Variants in GSE1 observed in about 807,000 individuals in gnomAD.
GSE1 encodes the protein genetic suppressor element 1.
Under a neutral mutation model 112.6 loss-of-function variants are expected in GSE1, and 32 were observed. That is an observed-to-expected ratio of 0.28 (90% CI 0.21 to 0.38). The LOEUF (loss-of-function observed/expected upper bound fraction) is 0.38, where lower values mean the gene tolerates loss of function less well. Ranked by LOEUF, GSE1 falls within the 10% of genes least tolerant of loss-of-function variation. The pLI, the probability that GSE1 is intolerant of heterozygous loss-of-function variation, is 1.00. For missense variants in GSE1, 2,348 were observed against 1,699.2 expected (o/e 1.38, Z -6.71); for synonymous variants, 1,115 against 735.6 (o/e 1.52, Z -8.35).
upstream of GSE1, among the ~76,000 whole-genome samples, chr16:85,610,207 C>T (rs999396365): frequency 1.3e-5 from 2 of 152,240 alleles, no homozygotes; most frequent in African/African-American, 4.8e-5. Flanking sequence ...TGGTAAGGAG[C>T]ACCGCGTGCA....
chr16:85,260,727 G>C (rs1907600786), intron 1 of GSE1, among the ~76,000 whole-genome samples: 1 of 152,224 alleles, frequency 6.6e-6, no homozygotes, highest in South Asian at 2.1e-4. Flanking sequence ...CCCTACTCCA[G>C]GGAGCTGCTG....
intron 2 of GSE1, 106 bp downstream of exon 2, chr16:85,634,238 C>A: frequency 1.3e-6 from 1 of 780,474 alleles, no homozygotes; most frequent in Non-Finnish European, 1.9e-6. Context: ...TCGTCTTTCC[C>A]ACGCCGTGTG....
intron 2 of GSE1, among the ~76,000 whole-genome samples, chr16:85,367,590 G>A (rs1424348613): frequency 6.6e-6 from 1 of 152,204 alleles, no homozygotes; most frequent in East Asian, 1.9e-4. Context: ...GCCTAAGGAG[G>A]TGGCATTTGG....
At chr16:85,434,694 T>C (rs1043941903) in intron 2 of GSE1, among the ~76,000 whole-genome samples, 1 of 152,214 alleles carries the variant, frequency 6.6e-6, no homozygotes, top group African/African-American at 2.4e-5. Flanking sequence ...GGCACGCATC[T>C]GTAATCCCAG....
intron 2 of GSE1, among the ~76,000 whole-genome samples, chr16:85,636,819 A>G (rs1243265380): frequency 6.6e-6 from 1 of 152,180 alleles, no homozygotes; most frequent in East Asian, 1.9e-4. Context: ...TTGGGCGCAC[A>G]AAAGGGTCTA....
Position 85,224,912 on chromosome 16 carries a change from G to A in GSE1, c.2283+53105G>A, listed in dbSNP as rs780742468. The stretch of plus-strand genomic sequence containing the variant: ...TGGGAGGCCGAGATGGGCAGATCAC[G>A]AGGTCAGGAGTTTGAGACCAGCCTG... On this transcript the variant is annotated intron_variant, in intron 1 of 2. Transcript: ENST00000637419. 5.9e-5 allele frequency among the ~76,000 whole-genome samples: 9 copies of A among 151,826 alleles called. No individual in the cohort carries two copies. In the East Asian group the frequency reaches 1.2e-3, roughly 20 times the overall value.
Position 85,648,659 on chromosome 16 carries a change from C to G in GSE1, c.334C>G (p.Pro112Ala), listed in dbSNP as rs149283578. Residue 112 changes from proline (P) to alanine (A), a missense_variant, in exon 3 of 16, where the codon CCT becomes GCT. By Grantham distance (27) the Pro-to-Ala change is conservative. Coordinates refer to ENST00000253458, the MANE Select transcript of GSE1 (RefSeq NM_014615.5). ...RVPMGPIIVPPGGHSVPSTPP... is the reference protein window; with the variant it reads ...RVPMGPIIVPAGGHSVPSTPP... ...GCCCATGGGCCCTATCATCGTCCCCCCTGGGGGCCACAGCGTGCCCAGCAC... is the reference window on the plus strand; with the variant it reads ...GCCCATGGGCCCTATCATCGTCCCCGCTGGGGGCCACAGCGTGCCCAGCAC... 6.2e-7 allele frequency: 1 copy of G among 1,602,954 alleles called. No individual in the cohort carries two copies. The highest frequency in any genetic ancestry group is 8.5e-7 in the Non-Finnish European group (1 of 1,172,182).
At chr16:85,490,849 G>C (rs1019571397) in intron 2 of GSE1, 40 of 152,232 alleles carry the variant, frequency 2.6e-4, no homozygotes, top group African/African-American at 7.0e-4. Context: ...CCATTTCCAG[G>C]CTCAGTAAAT....
At chr16:85,367,865 C>G (rs377512488) in intron 2 of GSE1, among the ~76,000 whole-genome samples, 5 of 24,306 alleles carry the variant, frequency 2.1e-4, no homozygotes, top group Admixed American at 6.5e-4. Context: ...TTTTTTTTTT[C>G]CGAGATGGAG....
rs138513015 is a variant in GSE1, at chr16:85,270,119, C to G, written c.2284-87344C>G. Among the ~76,000 whole-genome samples the G allele has an allele frequency of 9.4e-5, 14 of 149,224 alleles. 3 individuals carry two copies. The highest frequency in any genetic ancestry group is 2.0e-4 in the Non-Finnish European group (13 of 66,172). ...TGCTGTGGAGCCTAGCGTGGCTTCA[C>G]TCCTCTGGGGTCACACTGGCCAGAA... On this transcript the variant is annotated intron_variant, in intron 1 of 2. Transcript: ENST00000637419.
chr16:85,312,851 C>T (rs572032384), intron 1 of GSE1, among the ~76,000 whole-genome samples: 2 of 152,024 alleles, frequency 1.3e-5, no homozygotes, highest in African/African-American at 2.4e-5. Context: ...AGGGGAGTAG[C>T]TGAAGTGTCC....
chr16:85,332,536 C>T (rs997754484), intron 1 of GSE1, among the ~76,000 whole-genome samples: 1 of 152,142 alleles, frequency 6.6e-6, no homozygotes, highest in Non-Finnish European at 1.5e-5. Flanking sequence ...ATATGACTTA[C>T]GGTGTCCAAA....
At chr16:85,649,037 C>T (rs777598258) in intron 3 of GSE1, among the ~76,000 whole-genome samples, 1 of 152,130 alleles carries the variant, frequency 6.6e-6, no homozygotes, top group South Asian at 2.1e-4. Flanking sequence ...AGTTCACAAT[C>T]CGGGGGCCGG....
chr16:85,345,409 C>T (rs557142835), intron 1 of GSE1, among the ~76,000 whole-genome samples: 2 of 152,316 alleles, frequency 1.3e-5, no homozygotes, highest in Admixed American at 1.3e-4. Context: ...CCAAAAAATA[C>T]CATCTGGCCC....
chr16:85,225,022 G>A (rs553050212), intron 1 of GSE1, among the ~76,000 whole-genome samples: 1 of 152,156 alleles, frequency 6.6e-6, no homozygotes, highest in East Asian at 1.9e-4. Context: ...CCCCAGCTAC[G>A]TGGGAGGCTG....
intron 2 of GSE1, among the ~76,000 whole-genome samples, chr16:85,506,051 G>T (rs1214878774): frequency 3.9e-5 from 6 of 152,042 alleles, no homozygotes; most frequent in Middle Eastern, 3.2e-3. Flanking sequence ...CGCGTTCCAA[G>T]AGGGACTCCA....
chr16:85,411,086 G>A (rs1191769760), intron 2 of GSE1, among the ~76,000 whole-genome samples: 6 of 109,996 alleles, frequency 5.5e-5, no homozygotes, highest in Non-Finnish European at 8.6e-5. Context: ...AGGGTCCCCC[G>A]GATAATCCTC....
chr16:85,515,842 C>CCTCCT, intron 2 of GSE1, among the ~76,000 whole-genome samples: 1 of 152,280 alleles, frequency 6.6e-6, no homozygotes. Flanking sequence ...AAGCCGGTCC[C>CCTCCT]CTCCTGCCTC....
chr16:85,185,484 A>C (rs1054320804), intron 1 of GSE1: 1 of 152,294 alleles, frequency 6.6e-6, no homozygotes, highest in Admixed American at 6.5e-5. Context: ...AGAGCGCAGC[A>C]TCTGGCCTGC....
Sources: gnomAD v4.1 joint callset for allele counts (sites outside exome capture counted in the v4.1 genomes callset) on GRCh38, gnomAD v4.1.1 for gene constraint, MANE v1.5 for transcripts, NCBI Gene and HGNC (gene_info 2026-07-23, HGNC 2026-07-21) for gene names.